Variants in TPST2 observed in about 807,000 individuals in gnomAD.
TPST2 encodes protein-tyrosine sulfotransferase 2.
TPST2 carries 16 observed loss-of-function variants against 27.8 expected under a neutral mutation model. The ratio of observed to expected loss-of-function variants is 0.58; its 90% confidence interval spans 0.39 to 0.88. The LOEUF (loss-of-function observed/expected upper bound fraction) is 0.88, where lower values mean the gene tolerates loss of function less well. Ranked by LOEUF, TPST2 falls within the 40% of genes least tolerant of loss-of-function variation. The probability of loss-of-function intolerance (pLI) is 0.00; values close to 1 mark genes in which losing one functional copy is unlikely to be tolerated. For missense variants in TPST2, 464 were observed against 543.1 expected, an observed-to-expected ratio of 0.85 and a Z score of 1.45; for synonymous variants, 229 against 231.7, an observed-to-expected ratio of 0.99 and a Z score of 0.10.
At chr22:26,533,673 A>ATT (rs35595330) in intron 4 of TPST2, among the ~76,000 whole-genome samples, 3 of 147,470 alleles carry the variant, frequency 2.0e-5, no homozygotes, top group South Asian at 4.3e-4. Flanking sequence ...GATATAGCTA[A>ATT]TTTTTTTTTT....
rs376018399 is a variant in TPST2 at position 26,580,556 on chromosome 22, C to T, written c.-161+9497G>A. ...AATTACATCCAGAACCCCCTTTAAT[C>T]GTATTCATTTTTGTTCAATGGATCC... On this transcript the variant is annotated intron_variant, in intron 1 of 6. Transcript: ENST00000338754. 2.6e-5 allele frequency among the ~76,000 whole-genome samples: 4 copies of T among 152,166 alleles called. No individual in the cohort carries two copies. In the East Asian group the frequency reaches 7.7e-4, roughly 29 times the overall value.
At position 26,541,083 on chromosome 22, in the gene TPST2, C is replaced by T. The variant is rs200871820; in HGVS notation, c.548G>A (p.Arg183Gln). 25 of 1,608,634 alleles carry T rather than the reference C, an allele frequency of 1.6e-5. No individual in the cohort carries two copies. The highest frequency in any genetic ancestry group is 2.7e-5 in the African/African-American group (2 of 74,968). ...GGAGTGCACGGAGGCCCGGCCGTCC[C>T]GCACCATCAGCAGGAACTTGGAGTT... ...FPNSKFLLMV[R>Q]DGRASVHSMI... Residue 183 changes from arginine (R) to glutamine (Q), a missense_variant, in exon 3 of 7, where the codon CGG becomes CAG. Physicochemically the swap from Arg to Gln is conservative, Grantham distance 43 (BLOSUM62 1). Coordinates refer to ENST00000338754, the MANE Select transcript of TPST2 (RefSeq NM_003595.5). This position sits in a 1 kb window ranked among gnomAD's most constrained non-coding sequence, Gnocchi z 5.9.
rs565567485 is a variant in TPST2, at chr22:26,570,907, C to T, written c.-161+19146G>A. 6.3e-4 allele frequency among the ~76,000 whole-genome samples: 96 copies of T among 152,314 alleles called. 2 individuals are homozygous for T. The highest frequency in any genetic ancestry group is 2.2e-3 in the African/African-American group (92 of 41,562). On this transcript the variant is annotated intron_variant, in intron 1 of 6. Coordinates refer to ENST00000338754, the MANE Select transcript of TPST2 (RefSeq NM_003595.5). ...AGAGCCAGAATCCGCCATTTCTCAC[C>T]ACCCGCACTGCCAGACGTTTGTTTC...
rs1163793644 is a variant in TPST2, at chr22:26,551,883, C to CTTTTTTT, written c.-160-7215_-160-7209dup. Among the ~76,000 whole-genome samples the CTTTTTTT allele has an allele frequency of 7.5e-4, 50 of 66,400 alleles. 1 individual carries two copies. Among genetic ancestry groups the CTTTTTTT allele is most frequent in the South Asian group, 1.9e-3 (4 of 2,124 alleles). 43.6% of individuals were successfully genotyped at this position (66,400 alleles called of 152,430 possible). ...ATTCTTTTCCTTTTCTTTTCTTTTT[C>CTTTTTTT]TTTTTTTTTTTTTTTTTTTTTTTGA... On this transcript the variant is annotated intron_variant, in intron 1 of 6. Coordinates refer to ENST00000338754, the MANE Select transcript of TPST2 (RefSeq NM_003595.5).
intron 1 of TPST2, among the ~76,000 whole-genome samples, chr22:26,547,840 C>T (rs1183222267): frequency 1.3e-5 from 2 of 152,152 alleles, no homozygotes; most frequent in African/African-American, 4.8e-5. Context: ...AACATTGCTA[C>T]CAGGGGTGGT....
intron 1 of TPST2, among the ~76,000 whole-genome samples, chr22:26,548,358 C>T (rs879023565): frequency 7.5e-3 from 21 of 2,812 alleles, no homozygotes; most frequent in East Asian, 0.061. Flanking sequence ...GGAAAGGAGG[C>T]GGGGGAGGGG....
chr22:26,566,445 C>T (rs1357456602), intron 1 of TPST2, among the ~76,000 whole-genome samples: 7 of 151,790 alleles, frequency 4.6e-5, no homozygotes, highest in Admixed American at 6.6e-5. Flanking sequence ...CAGCTACTCC[C>T]GGGAGGCTGA....
rs1165545051 is a variant in TPST2, at chr22:26,541,037, G to T, written c.594C>A (p.Thr198=). 1 of 1,614,062 alleles carries T rather than the reference G, an allele frequency of 6.2e-7. No homozygotes were observed. The highest frequency in any genetic ancestry group is 1.7e-5 in the Admixed American group (1 of 60,030). ...SVHSMITRKV[T]IAGFDLSSYR... ...AGCTGCTGAGGTCAAAGCCCGCAAT[G>T]GTGACTTTGCGCGTGATCATGGAGT... is the stretch of plus-strand genomic sequence containing the variant. Residue 198 remains threonine, a synonymous_variant, in exon 3 of 7, where the codon ACC becomes ACA. Transcript: ENST00000338754. The surrounding 1 kb of genome is among the most constrained non-coding windows in gnomAD (Gnocchi z 5.9).
At chr22:26,562,532 T>C (rs1008026987) in intron 1 of TPST2, among the ~76,000 whole-genome samples, 1 of 152,176 alleles carries the variant, frequency 6.6e-6, no homozygotes, top group African/African-American at 2.4e-5. Flanking sequence ...GAGTAAAAGA[T>C]CCAATCCTAT....
At chr22:26,587,653 CAACT>C (rs1380728053) in intron 1 of TPST2, among the ~76,000 whole-genome samples, 2 of 151,802 alleles carry the variant, frequency 1.3e-5, no homozygotes, top group East Asian at 3.9e-4. Context: ...AAATAGTTTA[CAACT>C]AACACATCAA....
intron 1 of TPST2, among the ~76,000 whole-genome samples, chr22:26,585,182 C>T (rs1350991496): frequency 6.6e-6 from 1 of 152,216 alleles, no homozygotes; most frequent in Non-Finnish European, 1.5e-5. Context: ...ATCACACTGC[C>T]TGCTTTCTGG....
intron 1 of TPST2, among the ~76,000 whole-genome samples, chr22:26,576,562 A>C (rs1404164922): frequency 4.6e-5 from 7 of 152,086 alleles, no homozygotes; most frequent in African/African-American, 1.7e-4. Context: ...CAGCGGGTAG[A>C]AGTGTGAAAG....
At chr22:26,533,645 A>G (rs1925286402) in intron 4 of TPST2, among the ~76,000 whole-genome samples, 1 of 152,240 alleles carries the variant, frequency 6.6e-6, no homozygotes, top group South Asian at 2.1e-4. Flanking sequence ...AATTCTAACA[A>G]TATCTTTTAT....
At chr22:26,588,232 G>A (rs1220947114) in intron 1 of TPST2, among the ~76,000 whole-genome samples, 1 of 149,658 alleles carries the variant, frequency 6.7e-6, no homozygotes, top group Non-Finnish European at 1.5e-5. Flanking sequence ...TACTGATACA[G>A]GCTGCAAGGG....
intron 1 of TPST2, among the ~76,000 whole-genome samples, chr22:26,575,178 A>C (rs1228674160): frequency 6.6e-6 from 1 of 152,164 alleles, no homozygotes; most frequent in Non-Finnish European, 1.5e-5. Flanking sequence ...TGGGGATAAC[A>C]CAGCACTTCC....
intron 5 of TPST2, among the ~76,000 whole-genome samples, chr22:26,531,726 C>T (rs948320251): frequency 6.6e-6 from 1 of 152,128 alleles, no homozygotes; most frequent in Non-Finnish European, 1.5e-5. Context: ...CATCAGCTGC[C>T]ACAGATTAAG....
chr22:26,548,308 C>G (rs1371971221), intron 1 of TPST2, among the ~76,000 whole-genome samples: 1 of 139,826 alleles, frequency 7.2e-6, no homozygotes, highest in East Asian at 2.1e-4. Context: ...CAGCGAGACC[C>G]CATCTTGAAA....
At chr22:26,553,916 A>T (rs1355874439) in intron 1 of TPST2, among the ~76,000 whole-genome samples, 3 of 152,208 alleles carry the variant, frequency 2.0e-5, no homozygotes, top group Non-Finnish European at 4.4e-5. Flanking sequence ...CATGTTCAGT[A>T]CAGATGCAAC....
chr22:26,532,586 T>C (rs1460394165), intron 5 of TPST2, 109 bp downstream of exon 5: 3 of 1,237,358 alleles, frequency 2.4e-6, no homozygotes, highest in South Asian at 1.4e-5. Context: ...CTTTTTATAA[T>C]GGGAAAACCA....
Sources: allele counts gnomAD v4.1 joint callset (sites outside exome capture counted in the v4.1 genomes callset), GRCh38; gene constraint gnomAD v4.1.1; non-coding constraint Gnocchi (gnomAD v3.1); transcripts MANE v1.5; gene names NCBI Gene and HGNC (gene_info 2026-07-23, HGNC 2026-07-21).